The following STAG1 variants were observed in gnomAD, a reference collection of about 807,000 sequenced individuals.
STAG1 encodes cohesin subunit SA-1.
A neutral mutation model predicts 170.9 loss-of-function variants in STAG1; 26 were observed. The observed-to-expected ratio is 0.15, with a 90% confidence interval of 0.11 to 0.21. STAG1 has a LOEUF of 0.21. Ranked by LOEUF, STAG1 falls within the 10% of genes least tolerant of loss-of-function variation. STAG1 has a pLI of 1.00. For synonymous variants in STAG1, 514 were observed against 497.7 expected, an observed-to-expected ratio of 1.03 and a Z score of -0.44; for missense variants, 964 against 1,509.5, an observed-to-expected ratio of 0.64 and a Z score of 5.99.
In STAG1 at chr3:136,426,465, T is replaced by C. The variant is rs186149854; in HGVS notation, c.1651-3421A>G. Among the ~76,000 whole-genome samples the C allele has an allele frequency of 1.6e-3, 249 of 152,240 alleles. 1 individual carries two copies. Among genetic ancestry groups the C allele is most frequent in the Non-Finnish European group, 3.0e-3 (206 of 67,998 alleles). On this transcript the variant is annotated intron_variant, in intron 16 of 33. Coordinates refer to ENST00000383202, the MANE Select transcript of STAG1 (RefSeq NM_005862.3). ...AGACAAGCCATGTAGCCTAGAAATATTGGAAAACAAAAGCAAATTTAGACT... is the reference window on the plus strand; with the variant it reads ...AGACAAGCCATGTAGCCTAGAAATACTGGAAAACAAAAGCAAATTTAGACT...
At chr3:136,473,783 G>A (rs762404167) in intron 10 of STAG1, 146 bp from the exon 11 acceptor site, 4 of 600,346 alleles carry the variant, frequency 6.7e-6, no homozygotes, top group African/African-American at 1.9e-5. Context: ...CAATTGTATA[G>A]TGTGTGTTGC....
intron 19 of STAG1, 53 bp from the exon 20 acceptor site, chr3:136,421,216 A>G (rs1215040021): frequency 9.3e-7 from 1 of 1,073,336 alleles, no homozygotes; most frequent in Non-Finnish European, 1.3e-6. Context: ...CTTATAGTAT[A>G]TTACTACTTA....
intron 23 of STAG1, among the ~76,000 whole-genome samples, chr3:136,370,103 C>G (rs895142032): frequency 2.6e-5 from 4 of 151,028 alleles, no homozygotes; most frequent in Admixed American, 6.6e-5. Flanking sequence ...ATACTAATTT[C>G]TATTCTATAC....
intron 8 of STAG1, among the ~76,000 whole-genome samples, chr3:136,502,319 G>GA (rs397822122): frequency 9.3e-6 from 1 of 107,082 alleles, no homozygotes; most frequent in Non-Finnish European, 2.5e-5. Flanking sequence ...ATGTAGCTTT[G>GA]CTGGCTCACG....
chr3:136,349,757 T>C (rs1268478680), intron 28 of STAG1, among the ~76,000 whole-genome samples: 3 of 152,234 alleles, frequency 2.0e-5, no homozygotes, highest in African/African-American at 7.2e-5. Context: ...CATGCCCTCT[T>C]TCCAGCAAAA....
At chr3:136,606,750 CTTTT>C (rs529115947) in intron 3 of STAG1, among the ~76,000 whole-genome samples, 1 of 126,928 alleles carries the variant, frequency 7.9e-6, no homozygotes. Context: ...AGGTAACATG[CTTTT>C]TTTTTTTTTT....
chr3:136,680,259 T>A (rs1942290221), intron 1 of STAG1, among the ~76,000 whole-genome samples: 1 of 152,112 alleles, frequency 6.6e-6, no homozygotes, highest in Admixed American at 6.5e-5. Context: ...AGACCCTGTC[T>A]CAAATAAAAA....
At chr3:136,668,929 G>T (rs948747055) in intron 1 of STAG1, among the ~76,000 whole-genome samples, 1 of 152,132 alleles carries the variant, frequency 6.6e-6, no homozygotes, top group Non-Finnish European at 1.5e-5. Context: ...AATATTAGAG[G>T]TCAGTAATTT....
chr3:136,618,408 T>C (rs1196582329), intron 3 of STAG1, among the ~76,000 whole-genome samples: 2 of 152,240 alleles, frequency 1.3e-5, no homozygotes, highest in Non-Finnish European at 2.9e-5. Flanking sequence ...CGCACCCTTC[T>C]ATAGAAGTAC....
At chr3:136,359,083 AAG>A in intron 27 of STAG1, 63 bp downstream of exon 27, 2 of 1,344,088 alleles carry the variant, frequency 1.5e-6, no homozygotes, top group Non-Finnish European at 1.0e-6. Context: ...TGGGTCATAT[AAG>A]AGTTATTTCA....
intron 1 of STAG1, among the ~76,000 whole-genome samples, chr3:136,673,563 A>C (rs555056440): frequency 6.6e-6 from 1 of 152,162 alleles, no homozygotes; most frequent in African/African-American, 2.4e-5. Flanking sequence ...TAGGCCCAAC[A>C]TCTGTATTAC....
At chr3:136,364,968 G>A (rs921384590) in intron 25 of STAG1, among the ~76,000 whole-genome samples, 2 of 152,132 alleles carry the variant, frequency 1.3e-5, no homozygotes, top group African/African-American at 4.8e-5. Flanking sequence ...TAAAGTACTG[G>A]AGCAGGCAGA....
In STAG1 at chr3:136,503,764, T is replaced by C. The variant is rs544166619; in HGVS notation, c.677-985A>G. Among the ~76,000 whole-genome samples, 8 of 152,258 alleles carry C rather than the reference T, an allele frequency of 5.3e-5. No individual in the cohort carries two copies. In the East Asian group the frequency reaches 1.5e-3, roughly 29 times the overall value. ...TTTATTTTTTTTTTGAGTTGGAGTT[T>C]CGCTCTTGTTGCCCAGGCTGGAGTG... On this transcript the variant is annotated intron_variant, in intron 7 of 33. Coordinates refer to ENST00000383202, the MANE Select transcript of STAG1 (RefSeq NM_005862.3).
intron 3 of STAG1, among the ~76,000 whole-genome samples, chr3:136,617,195 C>T (rs1559912123): frequency 6.6e-6 from 1 of 152,208 alleles, no homozygotes; most frequent in Non-Finnish European, 1.5e-5. Context: ...CCCACATTAA[C>T]TCCCTGGGCC....
intron 6 of STAG1, among the ~76,000 whole-genome samples, chr3:136,539,133 C>CAA (rs79616026): frequency 1.9e-5 from 2 of 102,830 alleles, no homozygotes; most frequent in Non-Finnish European, 2.0e-5. Context: ...GACTCCGTCT[C>CAA]AAAAAAAAAA....
intron 15 of STAG1, among the ~76,000 whole-genome samples, chr3:136,439,710 C>T (rs1016166243): frequency 6.6e-6 from 1 of 152,198 alleles, no homozygotes; most frequent in African/African-American, 2.4e-5. Flanking sequence ...ATGTGGTTTG[C>T]ATGTGGTACA....
intron 4 of STAG1, among the ~76,000 whole-genome samples, chr3:136,573,046 G>A (rs761157703): frequency 5.3e-5 from 8 of 152,100 alleles, no homozygotes; most frequent in Admixed American, 4.6e-4. Context: ...GGGCACAGTG[G>A]CACATGCCTA....
At chr3:136,405,809 A>AAAAAAAAAAAAAAAAAAAAAAT (rs2087466541) in intron 21 of STAG1, among the ~76,000 whole-genome samples, 1 of 149,916 alleles carries the variant, frequency 6.7e-6, no homozygotes, top group African/African-American at 2.4e-5. Context: ...AAAAAAAAAA[A>AAAAAAAAAAAAAAAAAAAAAAT]AAAAAAAAAA....
intron 4 of STAG1, among the ~76,000 whole-genome samples, chr3:136,576,908 AAGAT>A (rs1260016527): frequency 2.0e-5 from 3 of 152,232 alleles, no homozygotes; most frequent in Non-Finnish European, 4.4e-5. Context: ...GCTTTGGAGA[AAGAT>A]AGATTCGTTT....
Sources: allele counts gnomAD v4.1 joint callset (sites outside exome capture counted in the v4.1 genomes callset), GRCh38; gene constraint gnomAD v4.1.1; transcripts MANE v1.5; gene names NCBI Gene and HGNC (gene_info 2026-07-23, HGNC 2026-07-21).